The following FAM184B variants were observed in gnomAD, a reference collection of about 807,000 sequenced individuals.
FAM184B encodes the protein family with sequence similarity 184 member B, also known as protein FAM184B.
In FAM184B, 111 loss-of-function variants were observed where a neutral mutation model predicts 135.9. That is an observed-to-expected ratio of 0.82 (90% CI 0.70 to 0.96). FAM184B has a LOEUF of 0.96. Among genes scored for constraint, FAM184B ranks in the 40% least tolerant of loss-of-function variants. The pLI, the probability that FAM184B is intolerant of heterozygous loss-of-function variation, is 0.00. For synonymous variants in FAM184B, 552 were observed against 524.8 expected, an observed-to-expected ratio of 1.05 and a Z score of -0.71; for missense variants, 1,375 against 1,323.9, an observed-to-expected ratio of 1.04 and a Z score of -0.60.
chr4:17,708,809 C>T, intron 2 of FAM184B, 83 bp downstream of exon 2: 1 of 1,413,872 alleles, frequency 7.1e-7, no homozygotes, highest in Non-Finnish European at 9.3e-7. Context: ...GTGCTTAGCA[C>T]AGTGCCTGAT....
intron 17 of FAM184B, chr4:17,633,178 T>TC (rs1715015931): frequency 6.5e-6 from 1 of 153,840 alleles, no homozygotes; most frequent in Non-Finnish European, 1.4e-5. Flanking sequence ...CACCTCCATC[T>TC]CCCAAAGTGC....
At chr4:17,770,950 C>T (rs1718807410) in intron 1 of FAM184B, among the ~76,000 whole-genome samples, 1 of 152,200 alleles carries the variant, frequency 6.6e-6, no homozygotes, top group Non-Finnish European at 1.5e-5. Flanking sequence ...TCTCATTACT[C>T]CATAAAGAAA....
At chr4:17,664,694 A>T (rs1327775877) in intron 7 of FAM184B, 35 bp from the exon 8 acceptor site, 1 of 1,372,340 alleles carries the variant, frequency 7.3e-7, no homozygotes, top group Non-Finnish European at 9.9e-7. Context: ...AAAAAAAAAA[A>T]GGCAAGATGA....
intron 8 of FAM184B, among the ~76,000 whole-genome samples, chr4:17,661,540 C>T (rs1406936969): frequency 2.6e-5 from 4 of 152,048 alleles, no homozygotes; most frequent in African/African-American, 9.7e-5. Context: ...GCAATGAGAG[C>T]GAAACTCCAC....
intron 5 of FAM184B, among the ~76,000 whole-genome samples, chr4:17,695,458 G>A (rs1028905040): frequency 5.9e-5 from 9 of 152,202 alleles, no homozygotes; most frequent in African/African-American, 2.2e-4. Context: ...GAGCCACCAT[G>A]CCCAGCTTCA....
At chr4:17,671,057 G>A (rs1202518248) in intron 7 of FAM184B, among the ~76,000 whole-genome samples, 1 of 152,074 alleles carries the variant, frequency 6.6e-6, no homozygotes, top group African/African-American at 2.4e-5. Flanking sequence ...TTCAGCAATA[G>A]TTCATGTACA....
chr4:17,675,769 T>A (rs1386066664), intron 7 of FAM184B, among the ~76,000 whole-genome samples: 2 of 152,208 alleles, frequency 1.3e-5, no homozygotes, highest in Non-Finnish European at 2.9e-5. Flanking sequence ...ATGGCTTGTT[T>A]CCTTAAACCT....
chr4:17,737,132 G>A (rs902297934), intron 1 of FAM184B, among the ~76,000 whole-genome samples: 2 of 151,174 alleles, frequency 1.3e-5, no homozygotes, highest in South Asian at 4.2e-4. Context: ...CAACAAGAGT[G>A]AGACTTCGTC....
At chr4:17,655,593 G>A (rs1370952427) in intron 10 of FAM184B, among the ~76,000 whole-genome samples, 1 of 152,148 alleles carries the variant, frequency 6.6e-6, no homozygotes, top group East Asian at 1.9e-4. Context: ...TCCATTCCCA[G>A]TGCTTCCAAA....
chr4:17,714,171 A>C, intron 1 of FAM184B, among the ~76,000 whole-genome samples: 1 of 152,148 alleles, frequency 6.6e-6, no homozygotes, highest in East Asian at 1.9e-4. Context: ...GCTGCAGTTC[A>C]TCAAGGATTC....
In FAM184B at chr4:17,659,108, C is replaced by CT. The variant is rs111265251; in HGVS notation, c.1825-547dup. Among the ~76,000 whole-genome samples, 718 of 142,880 alleles carry CT rather than the reference C, an allele frequency of 5.0e-3. 15 individuals carry two copies. In the East Asian group the frequency reaches 0.065, roughly 13 times the overall value. The allele number at this position is 142,880 out of a possible 152,430, so 93.7% of individuals were successfully genotyped here. ...ATACATATCATTATATATAAAATAT[C>CT]TTTTTTTTTTTTTTTGAGACAGGGT... is the stretch of plus-strand genomic sequence containing the variant. On this transcript the variant is annotated intron_variant, in intron 9 of 17. Transcript: ENST00000265018.
intron 5 of FAM184B, among the ~76,000 whole-genome samples, chr4:17,702,182 C>T (rs754541951): frequency 3.9e-5 from 6 of 152,124 alleles, no homozygotes; most frequent in East Asian, 1.9e-4. Context: ...TCTTCCATTA[C>T]GCTTGTTAAA....
intron 5 of FAM184B, among the ~76,000 whole-genome samples, chr4:17,694,297 G>C (rs921667468): frequency 6.6e-6 from 1 of 152,212 alleles, no homozygotes; most frequent in Non-Finnish European, 1.5e-5. Flanking sequence ...GCCGAGGTGG[G>C]TGGATCACGA....
At chr4:17,692,019 C>T (rs907993701) in intron 6 of FAM184B, among the ~76,000 whole-genome samples, 2 of 150,960 alleles carry the variant, frequency 1.3e-5, no homozygotes. Flanking sequence ...CGCCACTGCA[C>T]TCCAGTCGGG....
intron 9 of FAM184B, among the ~76,000 whole-genome samples, chr4:17,658,846 C>T (rs918316641): frequency 2.6e-5 from 4 of 152,056 alleles, no homozygotes; most frequent in Non-Finnish European, 1.5e-5. Context: ...TGGCAGCCCC[C>T]CTCCTCCCTC....
In FAM184B at chr4:17,709,475, A is replaced by G. The variant is rs1019585445; in HGVS notation, c.311T>C (p.Leu104Pro). 340 of 1,543,672 alleles carry G rather than the reference A, an allele frequency of 2.2e-4. 1 individual carries two copies. The highest frequency in any genetic ancestry group is 4.9e-4 in the East Asian group (20 of 40,760). Residue 104 changes from leucine (L) to proline (P), a missense_variant, in exon 2 of 18, where the codon CTG (leucine) becomes CCG (proline). By Grantham distance (98) the Leu-to-Pro change is moderately conservative (BLOSUM62 -3). Transcript: ENST00000265018. ...CTTTTGCAGCTCCAGGGCGCTCTCC[A>G]GGGCCTGGATGCGCTGTAGAAGGGC... ...EEALLQRIQA[L>P]ESALELQKRL...
intron 2 of FAM184B, among the ~76,000 whole-genome samples, chr4:17,708,497 T>G (rs376347634): frequency 4.6e-5 from 7 of 150,830 alleles, no homozygotes; most frequent in Middle Eastern, 6.8e-3. Flanking sequence ...ATACAAAAAT[T>G]AGCTGGGTAT....
At chr4:17,638,073 C>T (rs1186997074) in intron 14 of FAM184B, among the ~76,000 whole-genome samples, 2 of 149,078 alleles carry the variant, frequency 1.3e-5, no homozygotes, top group African/African-American at 2.5e-5. Context: ...TTTGCCCACC[C>T]TTGCCACTCC....
At chr4:17,774,112 C>T (rs1403729450) in intron 1 of FAM184B, among the ~76,000 whole-genome samples, 1 of 152,132 alleles carries the variant, frequency 6.6e-6, no homozygotes, top group East Asian at 1.9e-4. Flanking sequence ...AGTGGCGGCT[C>T]ACGCCTGCAA....
Sources: gnomAD v4.1 joint callset for allele counts (sites outside exome capture counted in the v4.1 genomes callset) on GRCh38, gnomAD v4.1.1 for gene constraint, MANE v1.5 for transcripts, NCBI Gene and HGNC (gene_info 2026-07-23, HGNC 2026-07-21) for gene names.